Variants in LRP1B observed in about 807,000 individuals in gnomAD.
The protein encoded by LRP1B is low-density lipoprotein receptor-related protein 1B.
A neutral mutation model predicts 556.6 loss-of-function variants in LRP1B; 217 were observed. The ratio of observed to expected loss-of-function variants is 0.39; its 90% confidence interval spans 0.35 to 0.44. LRP1B has a LOEUF of 0.44. Among genes scored for constraint, LRP1B ranks in the 20% least tolerant of loss-of-function variants. LRP1B has a pLI of 1.00. For missense variants in LRP1B, 5,053 were observed against 5,620.8 expected, an observed-to-expected ratio of 0.90 and a Z score of 3.23; for synonymous variants, 2,047 against 1,865.8, an observed-to-expected ratio of 1.10 and a Z score of -2.50.
At chr2:141,590,096 G>GA (rs1008993812) in intron 2 of LRP1B, among the ~76,000 whole-genome samples, 13 of 150,188 alleles carry the variant, frequency 8.7e-5, no homozygotes, top group South Asian at 4.2e-4. Flanking sequence ...TGCAAATGCA[G>GA]AAAAAAAAAT....
chr2:141,613,983 G>A (rs1195952131), intron 2 of LRP1B, among the ~76,000 whole-genome samples: 1 of 133,468 alleles, frequency 7.5e-6, no homozygotes, highest in African/African-American at 2.8e-5. Flanking sequence ...TGAGGCAGGA[G>A]AATTGATTAA....
At chr2:141,933,533 G>A (rs1480801344) in intron 1 of LRP1B, among the ~76,000 whole-genome samples, 2 of 152,084 alleles carry the variant, frequency 1.3e-5, no homozygotes, top group Non-Finnish European at 2.9e-5. Context: ...ACACCAAAGA[G>A]CTACATCATG....
intron 66 of LRP1B, among the ~76,000 whole-genome samples, chr2:140,419,108 C>T (rs1413040783): frequency 6.6e-6 from 1 of 152,048 alleles, no homozygotes; most frequent in East Asian, 1.9e-4. Context: ...GACAAAAACA[C>T]AAAGAGTATA....
At chr2:142,111,337 G>A (rs1166379248) in intron 1 of LRP1B, among the ~76,000 whole-genome samples, 3 of 152,178 alleles carry the variant, frequency 2.0e-5, no homozygotes, top group African/African-American at 7.2e-5. Context: ...GCCTGCATTT[G>A]AGGACAAGCA....
At chr2:141,028,517 A>C (rs983936149) in intron 11 of LRP1B, among the ~76,000 whole-genome samples, 1 of 152,064 alleles carries the variant, frequency 6.6e-6, no homozygotes, top group Non-Finnish European at 1.5e-5. Context: ...ATCAATAAAA[A>C]TATGTAAGGT....
At chr2:140,526,518 C>T (rs1690442116) in intron 47 of LRP1B, among the ~76,000 whole-genome samples, 168 bp from the exon 48 acceptor site, 2 of 151,532 alleles carry the variant, frequency 1.3e-5, no homozygotes, top group African/African-American at 2.4e-5. Flanking sequence ...GGGTTAGATG[C>T]CTCTTATATG....
At position 141,076,655 on chromosome 2, in the gene LRP1B, A is replaced by T. The variant is rs76716322; in HGVS notation, c.1014-14382T>A. ...CTAAGTTATTTACTGTAACCTTATG[A>T]ATAATAGCAAAATATTAGAAACATT... On this transcript the variant is annotated intron_variant, in intron 7 of 90. Coordinates refer to ENST00000389484, the MANE Select transcript of LRP1B (RefSeq NM_018557.3). 9.3e-3 allele frequency among the ~76,000 whole-genome samples: 1,415 copies of T among 152,314 alleles called. 12 individuals carry two copies. The highest frequency in any genetic ancestry group is 0.025 in the South Asian group (123 of 4,824).
chr2:141,686,269 A>G (rs1303613586), intron 2 of LRP1B, among the ~76,000 whole-genome samples: 2 of 152,004 alleles, frequency 1.3e-5, no homozygotes, highest in Admixed American at 1.3e-4. Context: ...GATAGCATAA[A>G]TATATGTCAT....
intron 31 of LRP1B, among the ~76,000 whole-genome samples, chr2:140,830,832 A>G (rs1691689195): frequency 6.6e-6 from 1 of 152,098 alleles, no homozygotes; most frequent in Non-Finnish European, 1.5e-5. Flanking sequence ...CCCACCAAAA[A>G]TCTATTAGAA....
chr2:142,130,010 C>T (rs561430730), intron 1 of LRP1B, among the ~76,000 whole-genome samples: 1 of 152,188 alleles, frequency 6.6e-6, no homozygotes, highest in Non-Finnish European at 1.5e-5. Flanking sequence ...TGGGTTAGCC[C>T]CTCAGAGCAC....
At chr2:141,038,313 A>G (rs573838500) in intron 11 of LRP1B, among the ~76,000 whole-genome samples, 44 of 152,142 alleles carry the variant, frequency 2.9e-4, no homozygotes, top group African/African-American at 1.0e-3. Flanking sequence ...GTGTGTATAT[A>G]TGGTGGACTA....
Position 140,238,289 on chromosome 2 carries a change from T to G in LRP1B, c.13423A>C (p.Thr4475Pro). The G allele has an allele frequency of 1.3e-6, 2 of 1,524,600 alleles. No individual in the cohort carries two copies. Among genetic ancestry groups the G allele is most frequent in the Non-Finnish European group, 1.8e-6 (2 of 1,103,862 alleles). 94.4% of individuals were successfully genotyped at this position (1,524,600 alleles called of 1,614,324 possible). ...VLCKRKRRTKTIRRQPIINGG... is the reference protein window; with the variant it reads ...VLCKRKRRTKPIRRQPIINGG... ...TTGATAATAGGTTGTCTTCTAATTGTTTTTGTCCTAGAATATATAAACATT... is the reference window on the plus strand; with the variant it reads ...TTGATAATAGGTTGTCTTCTAATTGGTTTTGTCCTAGAATATATAAACATT... The change falls in exon 89 of 91, where the codon ACA becomes CCA. Residue 4475 changes from threonine to proline, a missense_variant. Physicochemically the swap from Thr to Pro is conservative, Grantham distance 38. Around this residue, in one of 5 missense-constraint regions of LRP1B, gnomAD observed 551 missense variants for 592.0 expected, o/e 0.93. Coordinates refer to ENST00000389484, the MANE Select transcript of LRP1B (RefSeq NM_018557.3).
rs1707826459 is a variant in LRP1B at position 142,130,851 on chromosome 2, C to G, written c.-122G>C. The G allele has an allele frequency of 3.9e-6, 3 of 776,928 alleles. No homozygotes were observed. In the South Asian group the frequency reaches 4.4e-5, roughly 11 times the overall value. 48.1% of individuals were successfully genotyped at this position (776,928 alleles called of 1,614,324 possible). A position where few individuals can be genotyped will look rare whatever the true frequency, so the allele number is the denominator to read the frequency against. ...ATCGAGCGGCGTCATTTACAAATGT[C>G]ACTGGAAATTCTTCAGCTCAATGAG... On this transcript the variant is annotated 5_prime_UTR_variant, in exon 1 of 91. Coordinates refer to ENST00000389484, the MANE Select transcript of LRP1B (RefSeq NM_018557.3).
At chr2:141,317,764 A>G (rs932929956) in intron 3 of LRP1B, among the ~76,000 whole-genome samples, 3 of 152,160 alleles carry the variant, frequency 2.0e-5, no homozygotes, top group African/African-American at 7.2e-5. Flanking sequence ...AAATTGGGTT[A>G]TTAATAATTG....
chr2:140,953,730 T>A (rs775705875), intron 18 of LRP1B, among the ~76,000 whole-genome samples: 4 of 152,196 alleles, frequency 2.6e-5, no homozygotes, highest in African/African-American at 7.2e-5. Flanking sequence ...AACAAAAATA[T>A]ATTTCTCTGC....
intron 3 of LRP1B, among the ~76,000 whole-genome samples, chr2:141,430,191 C>CAAAAT (rs61352111): frequency 0.46 from 69,291 of 151,526 alleles, 15,940 homozygotes; most frequent in South Asian, 0.6. Context: ...ACAGATTTCT[C>CAAAAT]AAAAGTCACT....
intron 71 of LRP1B, among the ~76,000 whole-genome samples, chr2:140,370,358 G>C (rs649284): frequency 0.52 from 79,311 of 151,730 alleles, 21,024 homozygotes; most frequent in Non-Finnish European, 0.57. Flanking sequence ...GAAAGGAAAG[G>C]ATATACAGAA....
At chr2:140,958,891 G>T (rs1441677526) in intron 18 of LRP1B, among the ~76,000 whole-genome samples, 2 of 151,454 alleles carry the variant, frequency 1.3e-5, no homozygotes, top group African/African-American at 4.8e-5. Context: ...AGAAAACAGT[G>T]AACGTATATA....
chr2:140,391,270 GAA>G (rs1414563509), intron 66 of LRP1B, among the ~76,000 whole-genome samples: 2 of 152,022 alleles, frequency 1.3e-5, no homozygotes, highest in African/African-American at 4.8e-5. Flanking sequence ...TTATGCAAAT[GAA>G]AAAGTCACAA....
Sources: gnomAD v4.1 joint callset for allele counts (sites outside exome capture counted in the v4.1 genomes callset) on GRCh38, gnomAD v4.1.1 for gene constraint, gnomAD v4.1.1 regional missense constraint, MANE v1.5 for transcripts, NCBI Gene and HGNC (gene_info 2026-07-23, HGNC 2026-07-21) for gene names.